CFAP96: variants seen among roughly 807,000 people sequenced by gnomAD.
CFAP96 encodes the protein cilia-and flagella-associated protein 96.
chr4:185,421,646 C>G, the CFAP96 span, among the ~76,000 whole-genome samples: 1 of 152,166 alleles, frequency 6.6e-6, no homozygotes. Flanking sequence ...GTACAGTCTG[C>G]AGAACTGTGA....
the CFAP96 span, among the ~76,000 whole-genome samples, chr4:185,422,947 C>T: frequency 6.6e-6 from 1 of 152,196 alleles, no homozygotes; most frequent in African/African-American, 2.4e-5. Context: ...CAACCTCCGC[C>T]TCCTGGGTGT....
the CFAP96 span, among the ~76,000 whole-genome samples, chr4:185,447,274 C>T: frequency 1.3e-5 from 2 of 151,912 alleles, no homozygotes; most frequent in Non-Finnish European, 1.5e-5. Context: ...CTCCACCTGC[C>T]GGGTTCACGC....
the CFAP96 span, chr4:185,449,702 C>T: frequency 1.7e-6 from 2 of 1,190,402 alleles, no homozygotes; most frequent in South Asian, 1.6e-5. Flanking sequence ...CTATCAAGAG[C>T]TAATTATTTG....
At chr4:185,427,388 G>C in the CFAP96 span, among the ~76,000 whole-genome samples, 2 of 152,230 alleles carry the variant, frequency 1.3e-5, no homozygotes, top group African/African-American at 2.4e-5. Flanking sequence ...TTGGTGTTAC[G>C]TATTAGCAAT....
At chr4:185,445,218 T>C in the CFAP96 span, 1 of 1,192,842 alleles carries the variant, frequency 8.4e-7, no homozygotes, top group Non-Finnish European at 1.2e-6. Flanking sequence ...TTTATTTATA[T>C]ATACTTTTTT....
the CFAP96 span, among the ~76,000 whole-genome samples, chr4:185,446,284 A>G: frequency 6.6e-6 from 1 of 152,200 alleles, no homozygotes; most frequent in East Asian, 1.9e-4. Flanking sequence ...ACCTAATCAA[A>G]ATATGATTTT....
chr4:185,425,941 C>CGG, the CFAP96 span: 2 of 1,538,710 alleles, frequency 1.3e-6, no homozygotes, highest in Non-Finnish European at 1.8e-6. Flanking sequence ...GAAGTGGTGT[C>CGG]ACCGCACGGC....
At chr4:185,425,965 C>T in the CFAP96 span, 44 of 1,429,028 alleles carry the variant, frequency 3.1e-5, no homozygotes, top group South Asian at 3.4e-4. Flanking sequence ...GGGGCGGGGC[C>T]CGGGCGGACC....
At chr4:185,423,100 C>T in the CFAP96 span, among the ~76,000 whole-genome samples, 4 of 152,200 alleles carry the variant, frequency 2.6e-5, no homozygotes, top group African/African-American at 9.7e-5. Flanking sequence ...CTCAAGTGAT[C>T]CGCCTGTCTC....
At chr4:185,438,365 C>A in the CFAP96 span, among the ~76,000 whole-genome samples, 6 of 152,118 alleles carry the variant, frequency 3.9e-5, no homozygotes, top group African/African-American at 1.4e-4. Flanking sequence ...AATGTCCAAT[C>A]TGCTGTTAAT....
chr4:185,446,956 A>G, the CFAP96 span, among the ~76,000 whole-genome samples: 94,075 of 151,824 alleles, frequency 0.62, 32,340 homozygotes, highest in East Asian at 0.87. Context: ...GCCTCATGAA[A>G]TACATGTACT....
the CFAP96 span, chr4:185,425,966 C>G: frequency 1.4e-6 from 2 of 1,426,744 alleles, no homozygotes; most frequent in Non-Finnish European, 1.9e-6. Context: ...GGGCGGGGCC[C>G]GGGCGGACCA....
the CFAP96 span, among the ~76,000 whole-genome samples, chr4:185,419,192 C>T: frequency 2.0e-5 from 3 of 151,850 alleles, no homozygotes; most frequent in Admixed American, 6.6e-5. Flanking sequence ...AGTGCAGTGG[C>T]GCGATCTGGG....
the CFAP96 span, among the ~76,000 whole-genome samples, chr4:185,432,853 A>G: frequency 1.2e-5 from 1 of 84,038 alleles, no homozygotes; most frequent in Non-Finnish European, 2.7e-5. Context: ...TCAGAGCAAG[A>G]TCTTGTCTAA....
At chr4:185,441,362 T>C in the CFAP96 span, among the ~76,000 whole-genome samples, 1 of 151,502 alleles carries the variant, frequency 6.6e-6, no homozygotes, top group East Asian at 1.9e-4. Context: ...TCAAAGTTTA[T>C]GTTTTTAATA....
the CFAP96 span, among the ~76,000 whole-genome samples, chr4:185,440,271 T>C: frequency 3.3e-5 from 5 of 152,124 alleles, no homozygotes; most frequent in Admixed American, 6.5e-5. Context: ...ACTGCACAGA[T>C]AGTTAATATA....
At chr4:185,411,983 T>C in the CFAP96 span, among the ~76,000 whole-genome samples, 1 of 152,160 alleles carries the variant, frequency 6.6e-6, no homozygotes, top group Non-Finnish European at 1.5e-5. Context: ...AGGAAGGAAA[T>C]GATGAACACA....
At chr4:185,413,019 A>G in the CFAP96 span, among the ~76,000 whole-genome samples, 1 of 152,158 alleles carries the variant, frequency 6.6e-6, no homozygotes. Context: ...GACTTATCCT[A>G]CAGTGGCTGG....
the CFAP96 span, chr4:185,408,482 G>T: frequency 6.5e-7 from 1 of 1,539,836 alleles, no homozygotes; most frequent in South Asian, 1.1e-5. Flanking sequence ...TAGGATAGAA[G>T]TACATATTCT....
Sources: gnomAD v4.1 joint callset for allele counts (sites outside exome capture counted in the v4.1 genomes callset) on GRCh38, gnomAD v4.1.1 for gene constraint, MANE v1.5 for transcripts, NCBI Gene and HGNC (gene_info 2026-07-23, HGNC 2026-07-21) for gene names.